Variants in AIFM3 observed in about 807,000 individuals in gnomAD.
AIFM3 encodes the protein apoptosis-inducing factor 3.
Under a neutral mutation model 82.7 loss-of-function variants are expected in AIFM3, and 71 were observed. That is an observed-to-expected ratio of 0.86 (90% CI 0.71 to 1.05). The LOEUF (loss-of-function observed/expected upper bound fraction) is 1.05. AIFM3 is among the 50% of genes least tolerant of loss of function. The pLI, the probability that AIFM3 is intolerant of heterozygous loss-of-function variation, is 0.00. For synonymous variants in AIFM3, 337 were observed against 329.1 expected (o/e 1.02, Z -0.26); for missense variants, 748 against 816.7 (o/e 0.92, Z 1.03).
chr22:20,966,631 A>G (rs1426065870), upstream of AIFM3: 1 of 152,306 alleles, frequency 6.6e-6, no homozygotes, highest in African/African-American at 2.4e-5. Flanking sequence ...GACTGTGGGG[A>G]GGTCATTTGC....
rs780154816 is a variant in AIFM3, at chr22:20,976,221, A to C, written c.814A>C (p.Thr272Pro). 6.2e-7 allele frequency: 1 copy of C among 1,613,312 alleles called. No individual in the cohort carries two copies. The highest frequency in any genetic ancestry group is 8.5e-7 in the Non-Finnish European group (1 of 1,179,790). The change falls in exon 10 of 21, where the codon ACA becomes CCA. Residue 272 changes from threonine (T) to proline (P), a missense_variant. Physicochemically the swap from Thr to Pro is conservative, Grantham distance 38 (BLOSUM62 -1). Transcript: ENST00000440238. ...IEVLTEAQVV[T>P]VDVRTKKVVF... is the part of the protein sequence containing the mutation. ...TGCCTGGTGGGGATTGCAGGTGGTCACAGTGGACGTGAGAACTAAGAAGGT... is the reference window on the plus strand; with the variant it reads ...TGCCTGGTGGGGATTGCAGGTGGTCCCAGTGGACGTGAGAACTAAGAAGGT...
intron 8 of AIFM3, among the ~76,000 whole-genome samples, chr22:20,975,358 C>T (rs758709958): frequency 2.4e-4 from 36 of 151,492 alleles, no homozygotes; most frequent in Non-Finnish European, 4.0e-4. Context: ...CTCCACCTCC[C>T]GGGCTCAAAC....
At chr22:20,980,821 C>A in intron 20 of AIFM3, 54 bp downstream of exon 20, 2 of 1,609,190 alleles carry the variant, frequency 1.2e-6, no homozygotes, top group Non-Finnish European at 1.7e-6. Flanking sequence ...TCAGCCCAGA[C>A]CCTCCACCCA....
rs1923516388 is a variant in AIFM3 at position 20,974,698 on chromosome 22, C to A, written c.608-6C>A. The stretch of plus-strand genomic sequence containing the variant: ...TGGTTCCTGGCCCACGGGCCCCTCC[C>A]CTCAGGTGCAGCTGGCCTGGTGTGT... On this transcript the variant is annotated splice_region_variant and splice_polypyrimidine_tract_variant and intron_variant, in intron 7 of 20. Transcript: ENST00000440238. 2 of 1,614,030 alleles carry A rather than the reference C, an allele frequency of 1.2e-6. No individual in the cohort carries two copies. Among genetic ancestry groups the A allele is most frequent in the Non-Finnish European group, 1.7e-6 (2 of 1,179,990 alleles).
chr22:20,967,538 A>G (rs900808458), intron 1 of AIFM3, among the ~76,000 whole-genome samples: 2 of 151,918 alleles, frequency 1.3e-5, no homozygotes, highest in African/African-American at 4.8e-5. Flanking sequence ...ATCAGGGAGG[A>G]TTTCCTGGGC....
intron 19 of AIFM3, 105 bp downstream of exon 19, chr22:20,980,229 C>A: frequency 9.5e-7 from 1 of 1,049,828 alleles, no homozygotes; most frequent in South Asian, 1.5e-5. Context: ...GGGCCTTTCC[C>A]CTCTTGGTTT....
intron 19 of AIFM3, chr22:20,980,535 C>T: frequency 7.7e-6 from 5 of 648,214 alleles, no homozygotes; most frequent in South Asian, 7.1e-5. Context: ...TCACTCAACA[C>T]CAGCCAGTTC....
intron 14 of AIFM3, chr22:20,977,431 T>G: frequency 1.7e-6 from 1 of 602,550 alleles, no homozygotes; most frequent in Non-Finnish European, 2.9e-6. Flanking sequence ...TGGTAGCACC[T>G]GCAGGGGCTG....
intron 6 of AIFM3, 88 bp from the exon 7 acceptor site, chr22:20,974,437 G>A: frequency 1.9e-6 from 3 of 1,560,896 alleles, no homozygotes; most frequent in Non-Finnish European, 2.6e-6. Flanking sequence ...CGGTAGGGAT[G>A]AGGCTGGGCT....
Position 20,979,349 on chromosome 22 carries a change from G to A in AIFM3, c.1556G>A (p.Gly519Asp). ...CCCTACCTCTGGACCGCCATGTTTG[G>A]CAAGAGCCTGCGCTACGCGGGTAAC... ...TVPYLWTAMF[G>D]KSLRYAGYGE... Residue 519 changes from glycine to aspartate, a missense_variant, in exon 17 of 21, where the codon GGC becomes GAC. Physicochemically the swap from Gly to Asp is moderately conservative, Grantham distance 94 (BLOSUM62 -1). Transcript: ENST00000440238. 6.4e-7 allele frequency: 1 copy of A among 1,553,972 alleles called. No individual in the cohort carries two copies. The highest frequency in any genetic ancestry group is 8.7e-7 in the Non-Finnish European group (1 of 1,149,050).
intron 8 of AIFM3, 127 bp from the exon 9 acceptor site, chr22:20,975,565 T>C: frequency 1.2e-6 from 1 of 836,686 alleles, no homozygotes; most frequent in South Asian, 1.5e-5. Flanking sequence ...TCACTGCGCC[T>C]GGCCAGATCT....
At chr22:20,978,768 A>G (rs1298894583) in intron 16 of AIFM3, among the ~76,000 whole-genome samples, 1 of 152,100 alleles carries the variant, frequency 6.6e-6, no homozygotes, top group Non-Finnish European at 1.5e-5. Context: ...TCAGCCAAGT[A>G]TAATTAGGAT....
In AIFM3 at chr22:20,976,285, T is replaced by C. The variant is rs1749909880; in HGVS notation, c.878T>C (p.Leu293Pro). 2 of 1,614,068 alleles carry C rather than the reference T, an allele frequency of 1.2e-6. No homozygotes were observed. The highest frequency in any genetic ancestry group is 1.7e-6 in the Non-Finnish European group (2 of 1,180,018). Residue 293 changes from leucine (L) to proline (P), a missense_variant, in exon 10 of 21, where the codon CTG becomes CCG. Leu to Pro is a moderately conservative substitution (Grantham distance 98). This residue lies in a region of AIFM3 where 393 missense variants were observed against 481.1 expected (regional missense o/e 0.82). Coordinates refer to ENST00000440238, the MANE Select transcript of AIFM3 (RefSeq NM_001386814.1). ...KDGFKLEYSK[L>P]LLAPGSSPKT... is the part of the protein sequence containing the mutation. ...GGCTTCAAGCTGGAGTACAGCAAGC[T>C]GCTGCTGGCACCAGGGAGCAGGTGG...
rs919393493 is a variant in AIFM3, at chr22:20,979,191, G to C, written c.1478-80G>C. 6 of 1,440,164 alleles carry C rather than the reference G, an allele frequency of 4.2e-6. No homozygotes were observed. The African/African-American group carries it at 7.1e-5, about 17-fold the overall frequency. 89.2% of individuals were successfully genotyped at this position (1,440,164 alleles called of 1,614,324 possible). ...AGGAGGAGTAGCCACACGTGTCAGG[G>C]GTCCCCAGGGCATCAGGAGCAGGTA... On this transcript the variant is annotated intron_variant, in intron 16 of 20. Coordinates refer to ENST00000440238, the MANE Select transcript of AIFM3 (RefSeq NM_001386814.1).
At chr22:20,973,276 T>C (rs1242807034) in intron 2 of AIFM3, 31 bp from the exon 3 acceptor site, 6 of 1,551,140 alleles carry the variant, frequency 3.9e-6, no homozygotes, top group Non-Finnish European at 5.2e-6. Flanking sequence ...TTGGCTGAGG[T>C]GGGGGGCTCA....
chr22:20,969,945 G>C (rs1426367341), intron 2 of AIFM3, among the ~76,000 whole-genome samples: 2 of 152,148 alleles, frequency 1.3e-5, no homozygotes, highest in Non-Finnish European at 2.9e-5. Context: ...TGCTCCACTC[G>C]ATTCTGTGGC....
chr22:20,976,459 C>T lies in AIFM3; in HGVS notation c.951C>T (p.Ile317=), dbSNP rs764505179. The T allele has an allele frequency of 3.8e-5, 61 of 1,613,970 alleles. No individual in the cohort carries two copies. Among genetic ancestry groups the T allele is most frequent in the Non-Finnish European group, 4.9e-5 (58 of 1,180,036 alleles). The change falls in exon 11 of 21, where the codon ATC becomes ATT. Residue 317 remains isoleucine, a synonymous_variant. Coordinates refer to ENST00000440238, the MANE Select transcript of AIFM3 (RefSeq NM_001386814.1). ...AAGAAGTGGAGAACGTGTTCACTAT[C>T]CGGACGCCAGAGGATGCCAATCGCG... The part of the protein sequence containing the change: ...KGKEVENVFT[I]RTPEDANRVV...
At position 20,967,880 on chromosome 22, in the gene AIFM3, G is replaced by A. The variant is rs528647446; in HGVS notation, c.-65G>A. 1.8e-5 allele frequency: 28 copies of A among 1,591,768 alleles called. No homozygotes were observed. In the East Asian group the frequency reaches 4.0e-4, roughly 23 times the overall value. The stretch of plus-strand genomic sequence containing the variant: ...CAGGGGGTCCAGCCCCATGGGGGGC[G>A]CCCTAGGCCTCCGACAGCTCCCCAT... On this transcript the variant is annotated 5_prime_UTR_variant, in exon 2 of 21. Transcript: ENST00000440238.
intron 16 of AIFM3, among the ~76,000 whole-genome samples, chr22:20,978,837 C>T (rs1923863758): frequency 1.3e-5 from 2 of 152,032 alleles, no homozygotes; most frequent in African/African-American, 4.8e-5. Context: ...TCTACTGGGG[C>T]CTCATAGGAA....
Sources: gnomAD v4.1 joint callset for allele counts (sites outside exome capture counted in the v4.1 genomes callset) on GRCh38, gnomAD v4.1.1 for gene constraint, gnomAD v4.1.1 regional missense constraint, MANE v1.5 for transcripts, NCBI Gene and HGNC (gene_info 2026-07-23, HGNC 2026-07-21) for gene names.